KLF12: variants seen among roughly 807,000 people sequenced by gnomAD.
KLF12 encodes the protein Krueppel-like factor 12.
A neutral mutation model predicts 37.8 loss-of-function variants in KLF12; 9 were observed. The observed-to-expected ratio is 0.24, with a 90% CI of 0.14 to 0.42. The LOEUF is 0.42. Among genes scored for constraint, KLF12 ranks in the 10% least tolerant of loss-of-function variants. The pLI is 1.00. For synonymous variants in KLF12, 208 were observed against 202.1 expected, an observed-to-expected ratio of 1.03 and a Z score of -0.25; for missense variants, 411 against 516.0, an observed-to-expected ratio of 0.80 and a Z score of 1.97.
intron 3 of KLF12, among the ~76,000 whole-genome samples, chr13:73,856,430 C>T (rs529904813): frequency 2.2e-4 from 33 of 152,242 alleles, no homozygotes; most frequent in Middle Eastern, 6.8e-3. Flanking sequence ...TTAAGGAATC[C>T]TGTTGAACTG....
At chr13:73,916,753 T>C (rs2139189846) in intron 3 of KLF12, among the ~76,000 whole-genome samples, 1 of 152,308 alleles carries the variant, frequency 6.6e-6, no homozygotes, top group Non-Finnish European at 1.5e-5. Context: ...AGGTAGAAGC[T>C]TTAGTGACAG....
chr13:74,150,192 C>A, the KLF12 span, among the ~76,000 whole-genome samples: 2 of 152,084 alleles, frequency 1.3e-5, no homozygotes, highest in Non-Finnish European at 1.5e-5. Flanking sequence ...ACAGTTGATG[C>A]TCAATATATA....
At chr13:73,764,243 G>A (rs1169039799) in intron 6 of KLF12, among the ~76,000 whole-genome samples, 1 of 151,202 alleles carries the variant, frequency 6.6e-6, no homozygotes, top group Non-Finnish European at 1.5e-5. Context: ...AACACATTAT[G>A]TGTTAAAAGG....
In KLF12 at chr13:74,086,692, C is replaced by T. The variant is rs141090033; in HGVS notation, c.-32+47047G>A. On this transcript the variant is annotated intron_variant, in intron 1 of 7. Transcript: ENST00000377669. The stretch of plus-strand genomic sequence containing the variant: ...TGGAGGTTAGGGGTACTGACCCCTA[C>T]CTCGGGCACAGTGAAAAATCTTTGT... Among the ~76,000 whole-genome samples the T allele has an allele frequency of 3.1e-3, 479 of 152,226 alleles. 1 individual carries two copies. The highest frequency in any genetic ancestry group is 6.8e-3 in the Middle Eastern group (2 of 294).
chr13:74,092,873 T>C (rs559147869), intron 1 of KLF12, among the ~76,000 whole-genome samples: 13 of 152,204 alleles, frequency 8.5e-5, no homozygotes, highest in African/African-American at 3.1e-4. Flanking sequence ...GAAATGCAAA[T>C]TGTCAAAAGT....
chr13:73,958,222 TAC>T (rs1317183050), intron 2 of KLF12, among the ~76,000 whole-genome samples: 1 of 152,176 alleles, frequency 6.6e-6, no homozygotes, highest in Non-Finnish European at 1.5e-5. Flanking sequence ...GTATTTTGAT[TAC>T]ACTGGGTTAA....
At chr13:74,027,105 A>G (rs1180290752) in intron 1 of KLF12, among the ~76,000 whole-genome samples, 1 of 152,222 alleles carries the variant, frequency 6.6e-6, no homozygotes, top group Non-Finnish European at 1.5e-5. Context: ...AGAATAGAAA[A>G]GAACAATGGG....
intron 1 of KLF12, among the ~76,000 whole-genome samples, chr13:74,027,881 T>C (rs934343441): frequency 6.6e-6 from 1 of 152,184 alleles, no homozygotes; most frequent in African/African-American, 2.4e-5. Context: ...GTGTGCTTTA[T>C]TATAACTGTA....
At chr13:74,304,127 G>C in the KLF12 span, among the ~76,000 whole-genome samples, 1 of 152,258 alleles carries the variant, frequency 6.6e-6, no homozygotes, top group African/African-American at 2.4e-5. Flanking sequence ...CCCAAGCCTA[G>C]TGAGTACACT....
chr13:73,783,145 T>TA (rs538807406), intron 5 of KLF12, among the ~76,000 whole-genome samples: 23 of 152,230 alleles, frequency 1.5e-4, no homozygotes, highest in Middle Eastern at 3.4e-3. Flanking sequence ...AATACAGGCT[T>TA]AAAAAAAGTA....
chr13:74,155,642 C>T, the KLF12 span, among the ~76,000 whole-genome samples: 3 of 151,784 alleles, frequency 2.0e-5, no homozygotes, highest in Admixed American at 6.6e-5. Context: ...GGATTACAGG[C>T]GGGAACCACC....
rs554098995 is a variant in KLF12 at position 73,841,119 on chromosome 13, G to A, written c.670+4708C>T. Among the ~76,000 whole-genome samples, 21 of 152,284 alleles carry A rather than the reference G, an allele frequency of 1.4e-4. No homozygotes were observed. The East Asian group carries it at 4.1e-3, about 29-fold the overall frequency. On this transcript the variant is annotated intron_variant, in intron 4 of 7. Transcript: ENST00000377669. Reference sequence around the variant, plus strand: ...AACTGTCACTGCTACTAGAATGTAAGGTCCCTGACAGTAGGGACTTGCTCA... The same window carrying A: ...AACTGTCACTGCTACTAGAATGTAAAGTCCCTGACAGTAGGGACTTGCTCA...
intron 3 of KLF12, among the ~76,000 whole-genome samples, chr13:73,938,553 GATTC>G (rs1299742446): frequency 4.6e-5 from 7 of 152,230 alleles, no homozygotes; most frequent in Admixed American, 6.5e-5. Flanking sequence ...GAGCCCTGCC[GATTC>G]ATAAGCTCCT....
chr13:73,733,968 A>G (rs1294076748), intron 6 of KLF12, among the ~76,000 whole-genome samples: 1 of 152,176 alleles, frequency 6.6e-6, no homozygotes, highest in Non-Finnish European at 1.5e-5. Context: ...ATCATCACCT[A>G]TAAGGCGCTC....
the KLF12 span, among the ~76,000 whole-genome samples, chr13:74,260,377 A>G: frequency 6.6e-6 from 1 of 151,854 alleles, no homozygotes; most frequent in South Asian, 2.1e-4. Flanking sequence ...ACAACCTAGC[A>G]AGACACTATT....
chr13:74,181,134 G>A, the KLF12 span, among the ~76,000 whole-genome samples: 9 of 152,002 alleles, frequency 5.9e-5, no homozygotes, highest in Admixed American at 3.9e-4. Flanking sequence ...GAGTAGCTGG[G>A]ATTACAGGCA....
chr13:74,235,784 C>T, the KLF12 span, among the ~76,000 whole-genome samples: 3 of 151,840 alleles, frequency 2.0e-5, no homozygotes, highest in Non-Finnish European at 2.9e-5. Context: ...ATATTATTAC[C>T]CTGGCATTTT....
At chr13:74,296,755 T>G in the KLF12 span, among the ~76,000 whole-genome samples, 1 of 152,170 alleles carries the variant, frequency 6.6e-6, no homozygotes, top group Non-Finnish European at 1.5e-5. Flanking sequence ...ATAAGAGAGC[T>G]TATTCCTCTA....
the KLF12 span, among the ~76,000 whole-genome samples, chr13:74,300,345 C>G: frequency 6.6e-6 from 1 of 152,106 alleles, no homozygotes; most frequent in South Asian, 2.1e-4. Context: ...TGGTTCTACA[C>G]AGTAGCCATT....
Sources: allele counts gnomAD v4.1 joint callset (sites outside exome capture counted in the v4.1 genomes callset), GRCh38; gene constraint gnomAD v4.1.1; transcripts MANE v1.5; gene names NCBI Gene and HGNC (gene_info 2026-07-23, HGNC 2026-07-21).